The following NSMCE1 variants were observed in gnomAD, a reference collection of about 807,000 sequenced individuals.
The protein encoded by NSMCE1 is NSE1 component of SMC5/6 complex.
A neutral mutation model predicts 29.6 loss-of-function variants in NSMCE1; 18 were observed. The observed-to-expected ratio is 0.61, with a 90% confidence interval of 0.42 to 0.90. The LOEUF (loss-of-function observed/expected upper bound fraction) is 0.90. Among genes scored for constraint, NSMCE1 ranks in the 40% least tolerant of loss-of-function variants. NSMCE1 has a pLI of 0.00. For synonymous variants in NSMCE1, 124 were observed against 133.4 expected (o/e 0.93, Z 0.49); for missense variants, 314 against 343.6 (o/e 0.91, Z 0.68).
chr16:27,234,379 AT>A, intron 3 of NSMCE1, 114 bp from the exon 4 acceptor site: 1 of 764,088 alleles, frequency 1.3e-6, no homozygotes, highest in Non-Finnish European at 2.4e-6. Context: ...GAGCTCCTGT[AT>A]CCAGGCACTG....
chr16:27,265,477 T>A (rs1376587172), intron 1 of NSMCE1, among the ~76,000 whole-genome samples: 10 of 152,144 alleles, frequency 6.6e-5, no homozygotes, highest in African/African-American at 2.4e-4. Context: ...TGAGTATAAA[T>A]TATTGTAACC....
chr16:27,233,572 C>T (rs1355064513), intron 4 of NSMCE1, among the ~76,000 whole-genome samples: 8 of 152,188 alleles, frequency 5.3e-5, no homozygotes, highest in East Asian at 1.9e-4. Context: ...ATGATTCCAC[C>T]GCCTGGTTCT....
chr16:27,237,790 T>C (rs2083842402), intron 2 of NSMCE1, among the ~76,000 whole-genome samples: 1 of 152,122 alleles, frequency 6.6e-6, no homozygotes. Context: ...TCTCTGCCCT[T>C]CCCCTCTCCA....
chr16:27,227,249 C>G (rs980335123), intron 5 of NSMCE1, among the ~76,000 whole-genome samples: 3 of 152,234 alleles, frequency 2.0e-5, no homozygotes, highest in Non-Finnish European at 2.9e-5. Context: ...TCCCAAAAAG[C>G]AGCATCCCTG....
chr16:27,226,723 G>A lies in NSMCE1; in HGVS notation c.597C>T (p.Ile199=), dbSNP rs2083698955. 6.2e-7 allele frequency: 1 copy of A among 1,605,696 alleles called. No homozygotes were observed. Among genetic ancestry groups the A allele is most frequent in the Non-Finnish European group, 8.5e-7 (1 of 1,172,358 alleles). Reference sequence around the variant, plus strand: ...CCGTGCCCTGCCCTGCGGGTACCTGGATGAGGAGGCTGTGACAGATATTGC... The same window carrying A: ...CCGTGCCCTGCCCTGCGGGTACCTGAATGAGGAGGCTGTGACAGATATTGC... ...KICNICHSLL[I]QGQSCETCGI... is the part of the protein sequence containing the mutation. The change falls in exon 6 of 8, where the codon ATC becomes ATT. Residue 199 remains isoleucine, a synonymous_variant. Transcript: ENST00000361439.
At chr16:27,227,650 T>A (rs2083712859) in intron 5 of NSMCE1, among the ~76,000 whole-genome samples, 1 of 152,180 alleles carries the variant, frequency 6.6e-6, no homozygotes, top group Admixed American at 6.5e-5. Context: ...AGCTCATGCA[T>A]CGGATATGAA....
intron 5 of NSMCE1, among the ~76,000 whole-genome samples, chr16:27,228,718 A>C (rs1024857926): frequency 4.7e-5 from 2 of 42,186 alleles, no homozygotes; most frequent in African/African-American, 1.0e-4. Flanking sequence ...ACCCTCTTCC[A>C]CCCTCCCCTC....
chr16:27,252,362 G>A (rs1323928295), intron 2 of NSMCE1, among the ~76,000 whole-genome samples: 1 of 152,162 alleles, frequency 6.6e-6, no homozygotes, highest in African/African-American at 2.4e-5. Flanking sequence ...AACCTCCATA[G>A]AAACCCAGGA....
At chr16:27,226,112 T>C in intron 6 of NSMCE1, 1 of 354,490 alleles carries the variant, frequency 2.8e-6, no homozygotes, top group Non-Finnish European at 5.2e-6. Flanking sequence ...TGCACTCAGA[T>C]CCTGCAGGTG....
intron 7 of NSMCE1, 126 bp downstream of exon 7, chr16:27,225,600 G>T: frequency 9.0e-7 from 1 of 1,108,036 alleles, no homozygotes; most frequent in Non-Finnish European, 1.3e-6. Context: ...TAGGATTCAA[G>T]CTGCTAACAC....
At chr16:27,267,801 TC>T (rs201915035) in intron 1 of NSMCE1, among the ~76,000 whole-genome samples, 2,166 of 152,066 alleles carry the variant, frequency 0.014, 43 homozygotes, top group African/African-American at 0.049. Context: ...CGATCTTGAT[TC>T]ACTGCAACCT....
chr16:27,250,528 A>G (rs2084014358), intron 2 of NSMCE1, among the ~76,000 whole-genome samples: 1 of 150,516 alleles, frequency 6.6e-6, no homozygotes, highest in South Asian at 2.1e-4. Flanking sequence ...GCGGTGGCTC[A>G]TGCCTGTAAT....
At chr16:27,226,867 C>T (rs751613531) in intron 5 of NSMCE1, 31 bp from the exon 6 acceptor site, 1 of 1,356,414 alleles carries the variant, frequency 7.4e-7, no homozygotes, top group East Asian at 2.3e-5. Flanking sequence ...TGGCCACCCT[C>T]AGCCAGGCCC....
At chr16:27,247,606 G>A (rs552926087) in intron 2 of NSMCE1, among the ~76,000 whole-genome samples, 6 of 152,044 alleles carry the variant, frequency 3.9e-5, no homozygotes, top group Non-Finnish European at 5.9e-5. Flanking sequence ...TTACAGTCAG[G>A]TACGCATTGT....
rs2083767215 is a variant in NSMCE1, at chr16:27,231,958, G to A, written c.483+1043C>T. Among the ~76,000 whole-genome samples the A allele has an allele frequency of 2.0e-5, 3 of 152,316 alleles. No individual in the cohort carries two copies. The South Asian group carries it at 6.2e-4, about 32-fold the overall frequency. ...CCAGCAGATCCTGCACTCACCAGGA[G>A]CTCCCAGCCCTGCCCTCACCCCATG... is the stretch of plus-strand genomic sequence containing the variant. On this transcript the variant is annotated intron_variant, in intron 5 of 7. Coordinates refer to ENST00000361439, the MANE Select transcript of NSMCE1 (RefSeq NM_145080.4).
chr16:27,251,453 A>G (rs935821025), intron 2 of NSMCE1, among the ~76,000 whole-genome samples: 15 of 152,042 alleles, frequency 9.9e-5, no homozygotes, highest in African/African-American at 3.4e-4. Context: ...ACCCTGCAAA[A>G]TCAGGATAAA....
At chr16:27,248,639 G>T (rs1385891738) in intron 2 of NSMCE1, among the ~76,000 whole-genome samples, 2 of 151,932 alleles carry the variant, frequency 1.3e-5, no homozygotes, top group African/African-American at 4.8e-5. Flanking sequence ...TCAATCTCCT[G>T]ACCTCGTGAT....
At chr16:27,235,407 C>G in intron 2 of NSMCE1, 108 bp from the exon 3 acceptor site, 1 of 1,261,434 alleles carries the variant, frequency 7.9e-7, no homozygotes, top group Non-Finnish European at 1.1e-6. Context: ...ACAGCAACCC[C>G]AGACATGGGT....
chr16:27,225,733 C>T lies in NSMCE1; in HGVS notation c.714G>A (p.Glu238=). 3 of 1,614,174 alleles carry T rather than the reference C, an allele frequency of 1.9e-6. No homozygotes were observed. The highest frequency in any genetic ancestry group is 2.5e-6 in the Non-Finnish European group (3 of 1,180,024). ...TCCTCAGGGCCCACGCACTTGGGAT[C>T]TCGTGGGGCCAGTAGTCGTTGCAGT... is the stretch of plus-strand genomic sequence containing the variant. ...CPHCNDYWPH[E]IPKVFDPEKE... The change falls in exon 7 of 8, where the codon GAG becomes GAA. Residue 238 remains glutamate, a synonymous_variant. Coordinates refer to ENST00000361439, the MANE Select transcript of NSMCE1 (RefSeq NM_145080.4).
Sources: allele counts gnomAD v4.1 joint callset (sites outside exome capture counted in the v4.1 genomes callset), GRCh38; gene constraint gnomAD v4.1.1; transcripts MANE v1.5; gene names NCBI Gene and HGNC (gene_info 2026-07-23, HGNC 2026-07-21).